AGBL1: variants seen among roughly 807,000 people sequenced by gnomAD.
AGBL1 encodes the protein cytosolic carboxypeptidase 4.
In AGBL1, 130 loss-of-function variants were observed where a neutral mutation model predicts 118.9. That is an observed-to-expected ratio of 1.09 (90% CI 0.95 to 1.26). The LOEUF (loss-of-function observed/expected upper bound fraction) is 1.26, where lower values mean the gene tolerates loss of function less well. Among genes scored for constraint, AGBL1 ranks in the 50% most tolerant of loss-of-function variants. The pLI is 0.00. For synonymous variants in AGBL1, 555 were observed against 478.9 expected, an observed-to-expected ratio of 1.16 and a Z score of -2.08; for missense variants, 1,584 against 1,298.1, an observed-to-expected ratio of 1.22 and a Z score of -3.38.
chr15:86,174,688 A>T (rs1567104909), intron 5 of AGBL1, among the ~76,000 whole-genome samples: 2 of 151,958 alleles, frequency 1.3e-5, no homozygotes, highest in Admixed American at 6.6e-5. Flanking sequence ...TAATTTGTTA[A>T]GAGTTTTTTA....
intron 21 of AGBL1, among the ~76,000 whole-genome samples, chr15:86,641,777 AC>A (rs1054459828): frequency 5.3e-5 from 8 of 152,326 alleles, no homozygotes; most frequent in South Asian, 2.1e-4. Context: ...ACCTAAAAAA[AC>A]CCCACAGCTT....
intron 21 of AGBL1, among the ~76,000 whole-genome samples, chr15:86,669,063 G>T (rs2085695638): frequency 6.6e-6 from 1 of 151,952 alleles, no homozygotes; most frequent in Non-Finnish European, 1.5e-5. Flanking sequence ...CTGAAGAAAA[G>T]AGCGCTAACA....
intron 21 of AGBL1, among the ~76,000 whole-genome samples, chr15:86,634,847 T>C (rs2085050391): frequency 6.6e-6 from 1 of 152,224 alleles, no homozygotes; most frequent in Non-Finnish European, 1.5e-5. Context: ...ATTTGCATTA[T>C]GTTGCCGCAT....
chr15:86,796,951 G>T (rs1293735178), intron 22 of AGBL1, among the ~76,000 whole-genome samples: 1 of 152,214 alleles, frequency 6.6e-6, no homozygotes, highest in Non-Finnish European at 1.5e-5. Flanking sequence ...TAGCTGTGCT[G>T]ACTCCAAGAG....
chr15:86,105,532 G>A (rs1424357684), intron 1 of AGBL1, among the ~76,000 whole-genome samples: 2 of 152,138 alleles, frequency 1.3e-5, no homozygotes, highest in African/African-American at 4.8e-5. Flanking sequence ...ACCAATTGAT[G>A]TCAATAAATA....
rs117546017 is a variant in AGBL1, at chr15:86,921,203, G to T, written c.3222-66784G>T. On this transcript the variant is annotated intron_variant, in intron 23 of 24. Coordinates refer to the AGBL1 transcript ENST00000441037. ...ATTTTTCTCATCTGTGATTGGTTAA[G>T]CAGACGAAGCTTTGTTTAATGATTT... is the stretch of plus-strand genomic sequence containing the variant. Among the ~76,000 whole-genome samples, 611 of 152,310 alleles carry T rather than the reference G, an allele frequency of 4.0e-3. 3 individuals are homozygous for T. Among genetic ancestry groups the T allele is most frequent in the Middle Eastern group, 0.014 (4 of 294 alleles).
intron 22 of AGBL1, among the ~76,000 whole-genome samples, chr15:86,846,496 AC>A (rs1428074211): frequency 6.6e-6 from 1 of 152,002 alleles, no homozygotes; most frequent in Non-Finnish European, 1.5e-5. Context: ...ACAGATTACT[AC>A]TTTTAATCAA....
chr15:86,255,092 A>C (rs1597630461), intron 7 of AGBL1, among the ~76,000 whole-genome samples: 2 of 152,246 alleles, frequency 1.3e-5, no homozygotes, highest in East Asian at 3.9e-4. Flanking sequence ...GACCATCACA[A>C]ACATACCTAG....
chr15:86,290,351 T>C (rs1017009375), intron 16 of AGBL1, among the ~76,000 whole-genome samples: 2 of 149,908 alleles, frequency 1.3e-5, no homozygotes, highest in African/African-American at 4.9e-5. Flanking sequence ...TTCTTTTTTT[T>C]TTTTTTTTTC....
At chr15:86,880,082 G>A (rs1012073325) in intron 22 of AGBL1, among the ~76,000 whole-genome samples, 2 of 152,232 alleles carry the variant, frequency 1.3e-5, no homozygotes, top group African/African-American at 2.4e-5. Flanking sequence ...AACAGTGCCT[G>A]TCAGAGAAGA....
intron 23 of AGBL1, among the ~76,000 whole-genome samples, chr15:86,958,062 C>T (rs534234057): frequency 1.3e-5 from 2 of 151,688 alleles, no homozygotes; most frequent in East Asian, 1.9e-4. Flanking sequence ...AAAAATTAGC[C>T]GATTGTGTGT....
At chr15:86,928,159 G>C (rs147953293) in intron 23 of AGBL1, among the ~76,000 whole-genome samples, 149 of 152,244 alleles carry the variant, frequency 9.8e-4, no homozygotes, top group African/African-American at 3.4e-3. Context: ...GAAAGGTTTT[G>C]AAAAGTCATA....
At chr15:86,261,761 A>G (rs183890285) in intron 9 of AGBL1, among the ~76,000 whole-genome samples, 29 of 152,290 alleles carry the variant, frequency 1.9e-4, no homozygotes, top group South Asian at 1.5e-3. Context: ...AGTCACCATC[A>G]TCATTAAAAG....
intron 22 of AGBL1, among the ~76,000 whole-genome samples, chr15:86,893,161 G>A (rs761519887): frequency 6.6e-6 from 1 of 152,216 alleles, no homozygotes; most frequent in Admixed American, 6.5e-5. Context: ...GGAGACATTC[G>A]GTGGAGCTCA....
intron 5 of AGBL1, among the ~76,000 whole-genome samples, chr15:86,191,492 C>T (rs987435833): frequency 3.3e-5 from 5 of 151,740 alleles, no homozygotes; most frequent in Non-Finnish European, 7.4e-5. Flanking sequence ...GTAATGATAG[C>T]CCTGAATGTA....
chr15:86,528,167 G>A (rs988858269), intron 19 of AGBL1, among the ~76,000 whole-genome samples: 3 of 152,194 alleles, frequency 2.0e-5, no homozygotes, highest in Admixed American at 6.5e-5. Flanking sequence ...CGCAGAAGAC[G>A]GGTGATTTCT....
At chr15:86,393,865 C>T (rs1295426131) in intron 17 of AGBL1, among the ~76,000 whole-genome samples, 1 of 152,062 alleles carries the variant, frequency 6.6e-6, no homozygotes, top group Admixed American at 6.6e-5. Context: ...GGGTAGTGCC[C>T]TCATAAATGG....
intron 18 of AGBL1, among the ~76,000 whole-genome samples, chr15:86,428,387 C>G (rs1161340599): frequency 6.6e-6 from 1 of 152,180 alleles, no homozygotes; most frequent in Non-Finnish European, 1.5e-5. Flanking sequence ...AAGAGGAATA[C>G]TCCAGGGAAG....
intron 21 of AGBL1, 75 bp downstream of exon 21, chr15:86,554,612 C>A: frequency 7.6e-7 from 1 of 1,321,846 alleles, no homozygotes; most frequent in Non-Finnish European, 9.7e-7. Context: ...CTCGTACCTG[C>A]TTTCTCACCT....
Sources: allele counts gnomAD v4.1 joint callset (sites outside exome capture counted in the v4.1 genomes callset), GRCh38; gene constraint gnomAD v4.1.1; transcripts MANE v1.5; gene names NCBI Gene and HGNC (gene_info 2026-07-23, HGNC 2026-07-21).